The following CNTN5 variants were observed in gnomAD, a reference collection of about 807,000 sequenced individuals.
The protein encoded by CNTN5 is contactin-5.
CNTN5 carries 77 observed loss-of-function variants against 129.1 expected under a neutral mutation model. The ratio of observed to expected loss-of-function variants is 0.60; its 90% confidence interval spans 0.50 to 0.72. CNTN5 has a LOEUF of 0.72. CNTN5 is among the 30% of genes least tolerant of loss of function. The pLI, the probability that CNTN5 is intolerant of heterozygous loss-of-function variation, is 0.00. For missense variants in CNTN5, 1,478 were observed against 1,328.8 expected, an observed-to-expected ratio of 1.11 and a Z score of -1.75; for synonymous variants, 509 against 465.6, an observed-to-expected ratio of 1.09 and a Z score of -1.20.
intron 1 of CNTN5, among the ~76,000 whole-genome samples, chr11:99,287,028 C>T (rs1051988600): frequency 4.6e-5 from 7 of 152,098 alleles, no homozygotes; most frequent in Non-Finnish European, 1.0e-4. Flanking sequence ...ATTGTGTATG[C>T]ATTGCCTGGA....
At chr11:100,038,102 T>C (rs1387126804) in intron 9 of CNTN5, among the ~76,000 whole-genome samples, 1 of 152,204 alleles carries the variant, frequency 6.6e-6, no homozygotes, top group Non-Finnish European at 1.5e-5. Flanking sequence ...TTTGTGGGCA[T>C]TTAGTGCTAT....
intron 3 of CNTN5, among the ~76,000 whole-genome samples, chr11:99,699,772 A>G (rs1315097015): frequency 6.6e-6 from 1 of 151,406 alleles, no homozygotes; most frequent in East Asian, 1.9e-4. Flanking sequence ...TAAAGAGCTC[A>G]TTATTGTCTT....
intron 13 of CNTN5, among the ~76,000 whole-genome samples, chr11:100,164,083 CT>C (rs1349875541): frequency 6.6e-6 from 1 of 151,752 alleles, no homozygotes; most frequent in East Asian, 1.9e-4. Flanking sequence ...TTAACCTACC[CT>C]TGTAAACTGC....
At chr11:99,222,251 A>T (rs1860432749) in intron 1 of CNTN5, among the ~76,000 whole-genome samples, 1 of 151,966 alleles carries the variant, frequency 6.6e-6, no homozygotes, top group Admixed American at 6.6e-5. Context: ...TACAAACATG[A>T]AAATTGTGCA....
intron 7 of CNTN5, among the ~76,000 whole-genome samples, chr11:99,943,002 A>G (rs751970555): frequency 2.0e-5 from 3 of 152,206 alleles, no homozygotes; most frequent in East Asian, 1.9e-4. Flanking sequence ...CAGTGCTCCA[A>G]TAAACATACA....
At chr11:99,030,780 C>CTCTTT (rs1555021307) in intron 1 of CNTN5, among the ~76,000 whole-genome samples, 18 of 120,246 alleles carry the variant, frequency 1.5e-4, no homozygotes, top group Admixed American at 7.9e-4. Context: ...TGCTAACTCT[C>CTCTTT]TTTTTTTTTT....
intron 4 of CNTN5, among the ~76,000 whole-genome samples, chr11:99,827,163 C>G (rs1399199895): frequency 2.0e-5 from 3 of 152,166 alleles, no homozygotes; most frequent in Non-Finnish European, 4.4e-5. Flanking sequence ...TCTTGGCTCA[C>G]TGCAATCTCT....
chr11:99,978,680 A>G (rs1938149445), intron 8 of CNTN5, among the ~76,000 whole-genome samples: 1 of 152,228 alleles, frequency 6.6e-6, no homozygotes, highest in Admixed American at 6.5e-5. Flanking sequence ...AGCAAGCTAT[A>G]TCATCTAGGT....
At chr11:99,953,608 C>A (rs1950726930) in intron 7 of CNTN5, among the ~76,000 whole-genome samples, 1 of 150,196 alleles carries the variant, frequency 6.7e-6, no homozygotes, top group Admixed American at 6.7e-5. Context: ...CAGAAGTAGA[C>A]CCTAAAGTCT....
chr11:100,325,081 G>A (rs1156528181), intron 21 of CNTN5, among the ~76,000 whole-genome samples: 1 of 152,078 alleles, frequency 6.6e-6, no homozygotes, highest in Admixed American at 6.5e-5. Context: ...CGCAAGCAGG[G>A]ACTTTGCCAA....
intron 2 of CNTN5, among the ~76,000 whole-genome samples, chr11:99,452,618 C>T (rs2656180): frequency 0.49 from 74,196 of 151,066 alleles, 18,763 homozygotes; most frequent in East Asian, 0.64. Flanking sequence ...GTGATCTGCC[C>T]GCCCTTGGCC....
At chr11:99,953,858 A>G (rs1376797942) in intron 7 of CNTN5, among the ~76,000 whole-genome samples, 2 of 152,186 alleles carry the variant, frequency 1.3e-5, no homozygotes, top group African/African-American at 4.8e-5. Context: ...AATTTAACAT[A>G]AACATTGATC....
At chr11:99,350,164 C>A (rs1236993384) in intron 2 of CNTN5, among the ~76,000 whole-genome samples, 1 of 152,058 alleles carries the variant, frequency 6.6e-6, no homozygotes, top group Non-Finnish European at 1.5e-5. Context: ...GTATTTTAGC[C>A]TAGGTGACTG....
intron 1 of CNTN5, among the ~76,000 whole-genome samples, chr11:99,118,369 A>C (rs1053147376): frequency 6.6e-6 from 1 of 152,116 alleles, no homozygotes; most frequent in Non-Finnish European, 1.5e-5. Context: ...ATTTGGATAT[A>C]TATATGGGTT....
At chr11:99,989,593 T>A (rs758579122) in intron 8 of CNTN5, among the ~76,000 whole-genome samples, 15 of 152,194 alleles carry the variant, frequency 9.9e-5, no homozygotes, top group Non-Finnish European at 2.1e-4. Flanking sequence ...ATTATGAACT[T>A]ATTGTAAAAT....
intron 3 of CNTN5, among the ~76,000 whole-genome samples, chr11:99,787,982 T>C (rs1219043456): frequency 2.0e-5 from 3 of 151,962 alleles, no homozygotes; most frequent in Non-Finnish European, 4.4e-5. Context: ...AAGAATGGTG[T>C]GTAAATCATA....
At chr11:99,984,378 GAAAGAAAAGAAA>G (rs1467531930) in intron 8 of CNTN5, among the ~76,000 whole-genome samples, 2 of 151,762 alleles carry the variant, frequency 1.3e-5, no homozygotes, top group Non-Finnish European at 2.9e-5. Flanking sequence ...AGGAAGAAAA[GAAAGAAAAGAAA>G]AAAGAAAAGA....
At chr11:100,293,651 A>G (rs1053741417) in intron 18 of CNTN5, among the ~76,000 whole-genome samples, 2 of 151,830 alleles carry the variant, frequency 1.3e-5, no homozygotes, top group Non-Finnish European at 2.9e-5. Flanking sequence ...CCATGAGACA[A>G]TGGAAATACA....
At chr11:99,071,140 C>A (rs1865324541) in intron 1 of CNTN5, among the ~76,000 whole-genome samples, 1 of 152,070 alleles carries the variant, frequency 6.6e-6, no homozygotes, top group Admixed American at 6.6e-5. Flanking sequence ...TTACCAAAGC[C>A]TATAACTACT....
Sources: gnomAD v4.1 joint callset for allele counts (sites outside exome capture counted in the v4.1 genomes callset) on GRCh38, gnomAD v4.1.1 for gene constraint, MANE v1.5 for transcripts, NCBI Gene and HGNC (gene_info 2026-07-23, HGNC 2026-07-21) for gene names.